Variants in PCDHGA6 observed in about 807,000 individuals in gnomAD.
PCDHGA6 encodes the protein protocadherin gamma-A6.
A neutral mutation model predicts 60.6 loss-of-function variants in PCDHGA6; 41 were observed. That is an observed-to-expected ratio of 0.68 (90% CI 0.53 to 0.88). The LOEUF (loss-of-function observed/expected upper bound fraction) is 0.88, where lower values mean the gene tolerates loss of function less well. Among genes scored for constraint, PCDHGA6 ranks in the 40% least tolerant of loss-of-function variants. The pLI is 0.00. For missense variants in PCDHGA6, 1,312 were observed against 1,203.0 expected, an observed-to-expected ratio of 1.09 and a Z score of -1.34; for synonymous variants, 594 against 524.4, an observed-to-expected ratio of 1.13 and a Z score of -1.81.
At chr5:141,420,824 C>T (rs1282369085) in intron 1 of PCDHGA6, among the ~76,000 whole-genome samples, 1 of 152,216 alleles carries the variant, frequency 6.6e-6, no homozygotes, top group Admixed American at 6.5e-5. Context: ...TTAATAATTA[C>T]TCCTTTCGCA....
intron 1 of PCDHGA6, among the ~76,000 whole-genome samples, chr5:141,438,223 CA>C: frequency 6.6e-6 from 1 of 151,912 alleles, no homozygotes; most frequent in Non-Finnish European, 1.5e-5. Context: ...GGCTCTGGTT[CA>C]GGAAAATGTT....
intron 1 of PCDHGA6, chr5:141,415,721 G>A (rs1201366552): frequency 3.0e-6 from 2 of 675,878 alleles, no homozygotes; most frequent in Admixed American, 7.4e-5. Context: ...CTGATGAGTA[G>A]AATTTGATGT....
intron 1 of PCDHGA6, among the ~76,000 whole-genome samples, chr5:141,460,135 T>G (rs2098983196): frequency 6.6e-6 from 1 of 152,044 alleles, no homozygotes; most frequent in South Asian, 2.1e-4. Flanking sequence ...ATATATATAT[T>G]CTTGATGTGA....
intron 3 of PCDHGA6, 154 bp from the exon 4 acceptor site, chr5:141,510,793 G>A: frequency 1.1e-6 from 1 of 935,078 alleles, no homozygotes; most frequent in Non-Finnish European, 1.3e-6. Context: ...CTCTTGTGAA[G>A]AGAGACTACC....
chr5:141,376,532 G>A lies in PCDHGA6; in HGVS notation c.2424+25G>A, dbSNP rs763806361. On this transcript the variant is annotated intron_variant, in intron 1 of 3. Transcript: ENST00000517434. ...GGTGAGTTTCTTTCCGCCTAAGCGGGAAGAGTAATCTGATCTTCCCGCAAC... is the reference window on the plus strand; with the variant it reads ...GGTGAGTTTCTTTCCGCCTAAGCGGAAAGAGTAATCTGATCTTCCCGCAAC... 3.7e-6 allele frequency: 6 copies of A among 1,613,740 alleles called. No individual in the cohort carries two copies. The Admixed American group carries it at 1.0e-4, about 27-fold the overall frequency.
At chr5:141,399,311 A>C in intron 1 of PCDHGA6, 1 of 1,613,970 alleles carries the variant, frequency 6.2e-7, no homozygotes, top group Non-Finnish European at 8.5e-7. Context: ...TCTTCATCCA[A>C]AAATTCGTAT....
At chr5:141,478,173 A>G (rs1397071220) in intron 1 of PCDHGA6, 1 of 1,613,986 alleles carries the variant, frequency 6.2e-7, no homozygotes, top group Non-Finnish European at 8.5e-7. Flanking sequence ...CCCCGGGAGC[A>G]GAAAAAAAAT....
At chr5:141,378,114 A>T (rs1024564517) in intron 1 of PCDHGA6, 1 of 152,284 alleles carries the variant, frequency 6.6e-6, no homozygotes, top group African/African-American at 2.4e-5. Flanking sequence ...CAGCATAGTG[A>T]ACACGTATTT....
rs1340590903 is a variant in PCDHGA6, at chr5:141,432,842, G to A, written c.2424+56335G>A. On this transcript the variant is annotated intron_variant, in intron 1 of 3. Coordinates refer to ENST00000517434, the MANE Select transcript of PCDHGA6 (RefSeq NM_018919.3). This position sits in a 1 kb window ranked among gnomAD's most constrained non-coding sequence, Gnocchi z 6.0. ...CTCAGACCTCACTCTGTACCTGGTG[G>A]TAGCGGTGGCCGCGGTCTCCTGCGT... 5 of 1,614,192 alleles carry A rather than the reference G, an allele frequency of 3.1e-6. No individual in the cohort carries two copies. The South Asian group carries it at 4.4e-5, about 14-fold the overall frequency.
chr5:141,491,311 A>G lies in PCDHGA6; in HGVS notation c.2425-3496A>G. On this transcript the variant is annotated intron_variant, in intron 1 of 3. Transcript: ENST00000517434. This position sits in a 1 kb window ranked among gnomAD's most constrained non-coding sequence, Gnocchi z 6.9. The stretch of plus-strand genomic sequence containing the variant: ...ACACCCTCCTGAGCGTTCAGACCTT[A>G]CCCTTTACCTCATTGTGGCTCTAGC... 1 of 1,613,932 alleles carries G rather than the reference A, an allele frequency of 6.2e-7. No homozygotes were observed. Among genetic ancestry groups the G allele is most frequent in the Non-Finnish European group, 8.5e-7 (1 of 1,179,940 alleles).
At chr5:141,414,821 A>G (rs1321959107) in intron 1 of PCDHGA6, 1 of 1,614,226 alleles carries the variant, frequency 6.2e-7, no homozygotes, top group South Asian at 1.1e-5. Flanking sequence ...CTCAGCAGCA[A>G]CGTGTCGTTG....
chr5:141,402,921 T>C (rs1486440819), intron 1 of PCDHGA6: 1 of 1,575,122 alleles, frequency 6.3e-7, no homozygotes. Context: ...CGCACAGAGA[T>C]CCTTTTGAGA....
At chr5:141,427,997 A>C (rs1471083920) in intron 1 of PCDHGA6, 2 of 1,600,232 alleles carry the variant, frequency 1.2e-6, no homozygotes, top group African/African-American at 2.7e-5. Flanking sequence ...ATGGCTCCGC[A>C]CTCTTCGATA....
chr5:141,390,583 AATGAG>A (rs1352765004), intron 1 of PCDHGA6: 1 of 348,204 alleles, frequency 2.9e-6, no homozygotes, highest in Non-Finnish European at 5.2e-6. Context: ...CTAAAAAGTG[AATGAG>A]ATTTTTCCTA....
intron 1 of PCDHGA6, among the ~76,000 whole-genome samples, chr5:141,492,356 G>A (rs2099739649): frequency 6.6e-6 from 1 of 152,198 alleles, no homozygotes; most frequent in Non-Finnish European, 1.5e-5. Context: ...ACTGCCACTC[G>A]CTCGCGGCCA....
chr5:141,399,925 C>A (rs779347793), intron 1 of PCDHGA6: 3 of 1,612,364 alleles, frequency 1.9e-6, no homozygotes, highest in South Asian at 1.1e-5. Flanking sequence ...CAACGCCTGG[C>A]TGTCCTACCA....
chr5:141,376,210 C>T lies in PCDHGA6; in HGVS notation c.2127C>T (p.Ile709=), dbSNP rs112869528. The change falls in exon 1 of 4, where the codon ATC becomes ATT. Residue 709 remains isoleucine, a synonymous_variant. Transcript: ENST00000517434. The part of the protein sequence containing the change: ...AVSCVFLAFV[I]VLLALRLQRW... ...CCTGCGTCTTCCTGGCCTTCGTCAT[C>T]GTGCTGCTGGCGCTCAGACTGCAGC... is the stretch of plus-strand genomic sequence containing the variant. 4,829 of 1,614,162 alleles carry T rather than the reference C, an allele frequency of 3.0e-3. 128 individuals carry two copies. The African/African-American group carries it at 0.055, about 18-fold the overall frequency.
chr5:141,423,552 C>A, intron 1 of PCDHGA6: 2 of 1,613,720 alleles, frequency 1.2e-6, no homozygotes, highest in Non-Finnish European at 1.7e-6. Context: ...CCCAGCCCAA[C>A]TATGGGGACA....
At chr5:141,409,109 A>G in intron 1 of PCDHGA6, 1 of 1,614,028 alleles carries the variant, frequency 6.2e-7, no homozygotes, top group Non-Finnish European at 8.5e-7. Context: ...TATGATTAAG[A>G]ATAACCAGTC....
Sources: gnomAD v4.1 joint callset for allele counts (sites outside exome capture counted in the v4.1 genomes callset) on GRCh38, gnomAD v4.1.1 for gene constraint, Gnocchi (gnomAD v3.1) non-coding constraint, MANE v1.5 for transcripts, NCBI Gene and HGNC (gene_info 2026-07-23, HGNC 2026-07-21) for gene names.